Variants in TLL2 observed in about 807,000 individuals in gnomAD.
The protein encoded by TLL2 is tolloid-like protein 2.
TLL2 carries 106 observed loss-of-function variants against 123.0 expected under a neutral mutation model. The ratio of observed to expected loss-of-function variants is 0.86; its 90% confidence interval spans 0.74 to 1.01. The LOEUF (loss-of-function observed/expected upper bound fraction) is 1.01, where lower values mean the gene tolerates loss of function less well. Among genes scored for constraint, TLL2 ranks in the 50% least tolerant of loss-of-function variants. The pLI is 0.00. For synonymous variants in TLL2, 494 were observed against 516.8 expected, an observed-to-expected ratio of 0.96 and a Z score of 0.60; for missense variants, 1,332 against 1,336.7, an observed-to-expected ratio of 1.00 and a Z score of 0.06.
intron 9 of TLL2, among the ~76,000 whole-genome samples, chr10:96,406,521 C>T (rs56236090): frequency 0.045 from 6,779 of 152,174 alleles, 179 homozygotes; most frequent in Non-Finnish European, 0.055. Flanking sequence ...CTCCACTAGC[C>T]ACTTCTTTAT....
chr10:96,458,430 T>C (rs2134092840), intron 2 of TLL2, among the ~76,000 whole-genome samples: 1 of 151,586 alleles, frequency 6.6e-6, no homozygotes, highest in Non-Finnish European at 1.5e-5. Context: ...CTGCTAAAAA[T>C]ACAAAAATTC....
chr10:96,490,910 C>G (rs540180570), intron 1 of TLL2, among the ~76,000 whole-genome samples: 3 of 152,150 alleles, frequency 2.0e-5, no homozygotes, highest in Non-Finnish European at 4.4e-5. Flanking sequence ...CGGGTGCACC[C>G]TGGAGTTTGA....
chr10:96,426,502 T>C (rs1846678800), intron 5 of TLL2, among the ~76,000 whole-genome samples: 2 of 152,192 alleles, frequency 1.3e-5, no homozygotes, highest in Non-Finnish European at 2.9e-5. Context: ...GTTTTTGAAG[T>C]TTTGAAAGAA....
At chr10:96,473,531 TA>T (rs1564914340) in intron 2 of TLL2, among the ~76,000 whole-genome samples, 1 of 152,158 alleles carries the variant, frequency 6.6e-6, no homozygotes, top group Non-Finnish European at 1.5e-5. Context: ...GCTAATGTAT[TA>T]TTTTAAACCC....
chr10:96,409,658 G>A (rs1846482507), intron 9 of TLL2, among the ~76,000 whole-genome samples: 1 of 152,174 alleles, frequency 6.6e-6, no homozygotes, highest in South Asian at 2.1e-4. Context: ...GGACCAGAGT[G>A]AAAGAGATCC....
chr10:96,384,002 C>T lies in TLL2; in HGVS notation c.2194+585G>A, dbSNP rs145073444. On this transcript the variant is annotated intron_variant, in intron 16 of 20. Transcript: ENST00000357947. Reference sequence around the variant, plus strand: ...AAAACAGACTAATACAATGTGGAACCTTAGAATGTGATCTTACTTGGAAAT... The same window carrying T: ...AAAACAGACTAATACAATGTGGAACTTTAGAATGTGATCTTACTTGGAAAT... 3.3e-5 allele frequency among the ~76,000 whole-genome samples: 5 copies of T among 152,208 alleles called. No homozygotes were observed. In the East Asian group the frequency reaches 5.8e-4, roughly 18 times the overall value.
At chr10:96,400,191 A>G (rs1028517680) in intron 10 of TLL2, among the ~76,000 whole-genome samples, 5 of 152,118 alleles carry the variant, frequency 3.3e-5, no homozygotes, top group African/African-American at 1.2e-4. Context: ...TTTCATCCCA[A>G]TACTCTCTGA....
At chr10:96,421,185 A>G in intron 6 of TLL2, 124 bp from the exon 7 acceptor site, 1 of 698,210 alleles carries the variant, frequency 1.4e-6, no homozygotes. Context: ...CAGTCAAATA[A>G]CAGGGCTTGT....
At chr10:96,403,840 A>G (rs1178754332) in intron 10 of TLL2, among the ~76,000 whole-genome samples, 2 of 152,116 alleles carry the variant, frequency 1.3e-5, no homozygotes, top group East Asian at 1.9e-4. Context: ...TAGGAGAAAA[A>G]CTGCCCTGTG....
intron 14 of TLL2, among the ~76,000 whole-genome samples, chr10:96,386,585 GGAAC>G (rs2134058274): frequency 6.6e-6 from 1 of 152,328 alleles, no homozygotes; most frequent in South Asian, 2.1e-4. Flanking sequence ...CAAGGAAGAT[GGAAC>G]ACAAGCCAGG....
At chr10:96,403,495 A>G (rs1224064563) in intron 10 of TLL2, among the ~76,000 whole-genome samples, 1 of 152,258 alleles carries the variant, frequency 6.6e-6, no homozygotes, top group Non-Finnish European at 1.5e-5. Flanking sequence ...AGGGCTGCGC[A>G]GGACATGCCT....
At chr10:96,468,369 C>T (rs1847149365) in intron 2 of TLL2, among the ~76,000 whole-genome samples, 1 of 152,180 alleles carries the variant, frequency 6.6e-6, no homozygotes, top group African/African-American at 2.4e-5. Context: ...GCAGGCTGGC[C>T]ATGAGGGGCA....
intron 18 of TLL2, 128 bp from the exon 19 acceptor site, chr10:96,373,937 G>T: frequency 1.3e-6 from 1 of 741,550 alleles, no homozygotes; most frequent in South Asian, 1.8e-5. Context: ...TGTGCAGGGG[G>T]TGTGTGGCCG....
chr10:96,393,540 G>A (rs189512988), intron 13 of TLL2, among the ~76,000 whole-genome samples: 82 of 152,280 alleles, frequency 5.4e-4, no homozygotes, highest in African/African-American at 1.9e-3. Flanking sequence ...CCACCCAGCC[G>A]GTGTCACTGC....
intron 3 of TLL2, among the ~76,000 whole-genome samples, chr10:96,440,416 T>C (rs998216312): frequency 3.9e-5 from 6 of 152,216 alleles, no homozygotes; most frequent in African/African-American, 1.4e-4. Context: ...CTCCAAAATG[T>C]TGGCAACACT....
In TLL2 at chr10:96,395,216, T is replaced by G. The variant is rs1281219435; in HGVS notation, c.1697A>C (p.Lys566Thr). The part of the protein sequence containing the change: ...MKFVSDGSIN[K>T]AGFAANFFKE... ...GAAAAAATTGGCTGCAAAGCCCGCT[T>G]TATTGATAGAGCCATCGGACACAAA... The change falls in exon 13 of 21, where the codon AAA becomes ACA. Residue 566 changes from lysine to threonine, a missense_variant. Transcript: ENST00000357947. The G allele has an allele frequency of 4.4e-6, 7 of 1,608,262 alleles. No homozygotes were observed. Among genetic ancestry groups the G allele is most frequent in the East Asian group, 2.2e-5 (1 of 44,778 alleles).
At chr10:96,463,266 T>A (rs1847097372) in intron 2 of TLL2, among the ~76,000 whole-genome samples, 1 of 152,176 alleles carries the variant, frequency 6.6e-6, no homozygotes, top group Non-Finnish European at 1.5e-5. Flanking sequence ...AGCTTCCCAC[T>A]GCGTCACAGC....
chr10:96,501,005 A>G (rs1244734255), intron 1 of TLL2, among the ~76,000 whole-genome samples: 1 of 152,208 alleles, frequency 6.6e-6, no homozygotes, highest in East Asian at 1.9e-4. Flanking sequence ...AAACAGAAGC[A>G]GGTTCAAGCC....
chr10:96,411,997 T>C (rs903898015), intron 8 of TLL2, among the ~76,000 whole-genome samples: 15 of 152,224 alleles, frequency 9.9e-5, no homozygotes, highest in African/African-American at 2.2e-4. Flanking sequence ...TACATTACTA[T>C]GTGGCTCCAC....
Sources: allele counts gnomAD v4.1 joint callset (sites outside exome capture counted in the v4.1 genomes callset), GRCh38; gene constraint gnomAD v4.1.1; transcripts MANE v1.5; gene names NCBI Gene and HGNC (gene_info 2026-07-23, HGNC 2026-07-21).